Variants in DAB1 observed in about 807,000 individuals in gnomAD.
DAB1 encodes the protein disabled homolog 1.
DAB1 carries 15 observed loss-of-function variants against 64.6 expected under a neutral mutation model. The observed-to-expected ratio is 0.23, with a 90% CI of 0.16 to 0.36. DAB1 has a LOEUF of 0.36. DAB1 is among the 10% of genes least tolerant of loss of function. The pLI, the probability that DAB1 is intolerant of heterozygous loss-of-function variation, is 1.00. For missense variants in DAB1, 596 were observed against 706.7 expected (o/e 0.84, Z 1.78); for synonymous variants, 235 against 251.9 (o/e 0.93, Z 0.64).
At chr1:57,319,161 T>C (rs1169260062) in intron 1 of DAB1, among the ~76,000 whole-genome samples, 4 of 152,174 alleles carry the variant, frequency 2.6e-5, no homozygotes, top group African/African-American at 9.7e-5. Context: ...TGCTAATTAC[T>C]AAACCGGTTA....
chr1:58,242,214 T>A (rs964804102), intron 4 of DAB1, among the ~76,000 whole-genome samples: 5 of 152,020 alleles, frequency 3.3e-5, no homozygotes, highest in South Asian at 2.1e-4. Context: ...GCGTTTTAAG[T>A]GACAAATGCA....
chr1:58,228,119 T>C (rs1405416281), intron 4 of DAB1, among the ~76,000 whole-genome samples: 5 of 152,134 alleles, frequency 3.3e-5, no homozygotes, highest in Non-Finnish European at 7.4e-5. Context: ...AAAGACCACA[T>C]GGAGTAAGAG....
intron 4 of DAB1, among the ~76,000 whole-genome samples, chr1:58,334,322 C>T (rs562701650): frequency 3.9e-5 from 6 of 152,080 alleles, no homozygotes; most frequent in African/African-American, 7.2e-5. Flanking sequence ...TGAGCTGAAT[C>T]CAGCCCAACT....
intron 1 of DAB1, among the ~76,000 whole-genome samples, chr1:57,831,996 A>T (rs1652610424): frequency 6.6e-6 from 1 of 152,204 alleles, no homozygotes; most frequent in Non-Finnish European, 1.5e-5. Flanking sequence ...GACACATGCT[A>T]AACAATAGGA....
intron 2 of DAB1, among the ~76,000 whole-genome samples, chr1:57,205,329 G>A (rs1230013518): frequency 6.6e-6 from 1 of 152,140 alleles, no homozygotes; most frequent in East Asian, 1.9e-4. Context: ...AATACTTATT[G>A]AGCACCTGGT....
intron 9 of DAB1, among the ~76,000 whole-genome samples, chr1:57,031,390 T>C (rs1483502607): frequency 2.6e-5 from 4 of 152,234 alleles, no homozygotes; most frequent in African/African-American, 9.6e-5. Flanking sequence ...TAATGAATCA[T>C]TTTAAAAGCC....
intron 1 of DAB1, chr1:58,539,368 A>T (rs747783034): frequency 2.8e-6 from 2 of 708,228 alleles, no homozygotes; most frequent in Non-Finnish European, 4.7e-6. Context: ...CCAAACTGGG[A>T]CTATAACACT....
intron 5 of DAB1, among the ~76,000 whole-genome samples, chr1:57,983,519 T>C (rs1646118792): frequency 6.6e-6 from 1 of 152,088 alleles, no homozygotes; most frequent in Non-Finnish European, 1.5e-5. Flanking sequence ...ACATGAATGC[T>C]AAATAGCTCT....
At chr1:57,402,308 A>C (rs1478389833) in intron 1 of DAB1, among the ~76,000 whole-genome samples, 3 of 152,244 alleles carry the variant, frequency 2.0e-5, no homozygotes, top group African/African-American at 7.2e-5. Context: ...TTTAGTCACC[A>C]TATTTTATTA....
At chr1:58,190,294 G>C (rs1657314514) in intron 4 of DAB1, among the ~76,000 whole-genome samples, 1 of 152,168 alleles carries the variant, frequency 6.6e-6, no homozygotes, top group Admixed American at 6.5e-5. Flanking sequence ...CTGACTGACT[G>C]TACTCCACCA....
chr1:57,217,293 T>C (rs979928721), intron 2 of DAB1, among the ~76,000 whole-genome samples: 7 of 152,220 alleles, frequency 4.6e-5, no homozygotes, highest in African/African-American at 1.7e-4. Flanking sequence ...ATATGTTCTT[T>C]AAGTTCTGCA....
At chr1:57,851,531 G>A (rs916924853) in intron 1 of DAB1, among the ~76,000 whole-genome samples, 1 of 152,222 alleles carries the variant, frequency 6.6e-6, no homozygotes, top group African/African-American at 2.4e-5. Context: ...CTGCAGGGCT[G>A]CTGAGCAGAA....
At chr1:57,181,098 T>C (rs1345157868) in intron 2 of DAB1, among the ~76,000 whole-genome samples, 1 of 152,218 alleles carries the variant, frequency 6.6e-6, no homozygotes, top group Non-Finnish European at 1.5e-5. Context: ...CAGTGACCAC[T>C]GTCTTTCCAG....
intron 3 of DAB1, among the ~76,000 whole-genome samples, chr1:58,363,536 A>G (rs1322020810): frequency 6.6e-6 from 1 of 152,252 alleles, no homozygotes; most frequent in Non-Finnish European, 1.5e-5. Context: ...GAAGTTGATC[A>G]GTGCGAGTTA....
chr1:58,316,255 G>A (rs1662556528), intron 4 of DAB1, among the ~76,000 whole-genome samples: 1 of 152,202 alleles, frequency 6.6e-6, no homozygotes, highest in Non-Finnish European at 1.5e-5. Context: ...ATCTGAAGCT[G>A]CACACTTACC....
In DAB1 at chr1:58,297,579, G is replaced by A. The variant is rs530069581; in HGVS notation, n.309+45773C>T. 4.6e-5 allele frequency among the ~76,000 whole-genome samples: 7 copies of A among 152,154 alleles called. No individual in the cohort carries two copies. The East Asian group carries it at 1.2e-3, about 25-fold the overall frequency. On this transcript the variant is annotated intron_variant and non_coding_transcript_variant, in intron 4 of 20. Transcript: ENST00000485760. ...TTCTCCGCAGGTTCAGGAGACACAG[G>A]GAATAAAGGGAATGGGACAGACATA...
intron 5 of DAB1, among the ~76,000 whole-genome samples, chr1:58,089,668 C>T (rs1032799647): frequency 2.0e-5 from 3 of 152,112 alleles, no homozygotes; most frequent in Non-Finnish European, 2.9e-5. Flanking sequence ...CCTTAATTTC[C>T]GAGGTGAATG....
intron 4 of DAB1, chr1:58,228,905 T>C (rs1386842918): frequency 1.9e-6 from 1 of 521,584 alleles, no homozygotes; most frequent in Non-Finnish European, 3.7e-6. Context: ...ACAACAGCTG[T>C]AGTGTGTAGA....
At chr1:57,780,823 G>A (rs1163582672) in intron 6 of DAB1, among the ~76,000 whole-genome samples, 6 of 147,786 alleles carry the variant, frequency 4.1e-5, no homozygotes, top group South Asian at 2.1e-4. Context: ...GCACAATCTC[G>A]GCTCACTACA....
Sources: gnomAD v4.1 joint callset for allele counts (sites outside exome capture counted in the v4.1 genomes callset) on GRCh38, gnomAD v4.1.1 for gene constraint, MANE v1.5 for transcripts, NCBI Gene and HGNC (gene_info 2026-07-23, HGNC 2026-07-21) for gene names.